The following TG variants were observed in gnomAD, a reference collection of about 807,000 sequenced individuals.
TG encodes the protein thyroid hormones.
Under a neutral mutation model 324.7 loss-of-function variants are expected in TG, and 270 were observed. The observed-to-expected ratio is 0.83, with a 90% CI of 0.75 to 0.92. TG has a LOEUF of 0.92. Ranked by LOEUF, TG falls within the 40% of genes least tolerant of loss-of-function variation. TG has a pLI of 0.00. For synonymous variants in TG, 1,401 were observed against 1,327.0 expected, an observed-to-expected ratio of 1.06 and a Z score of -1.21; for missense variants, 3,591 against 3,456.4, an observed-to-expected ratio of 1.04 and a Z score of -0.98.
intron 41 of TG, among the ~76,000 whole-genome samples, chr8:133,055,232 G>A (rs1284949972): frequency 1.3e-5 from 2 of 152,044 alleles, no homozygotes; most frequent in African/African-American, 4.8e-5. Context: ...TGGTGGGTAG[G>A]GAGCTGTACA....
intron 45 of TG, among the ~76,000 whole-genome samples, chr8:133,127,922 T>C (rs1851644105): frequency 6.6e-6 from 1 of 151,964 alleles, no homozygotes; most frequent in Admixed American, 6.6e-5. Flanking sequence ...CCTCGCCTCA[T>C]CCACTCACTA....
intron 18 of TG, among the ~76,000 whole-genome samples, chr8:132,908,853 C>T (rs1288632807): frequency 6.6e-6 from 1 of 152,114 alleles, no homozygotes; most frequent in East Asian, 1.9e-4. Flanking sequence ...AGAGGTGCTA[C>T]TGAAAGGGAC....
intron 20 of TG, among the ~76,000 whole-genome samples, 199 bp from the exon 21 acceptor site, chr8:132,919,177 A>T (rs559266924): frequency 6.6e-6 from 1 of 152,292 alleles, no homozygotes; most frequent in South Asian, 2.1e-4. Flanking sequence ...CTTCCCGGAC[A>T]GCAGGAAGCT....
At chr8:132,914,813 C>A (rs1288393212) in intron 20 of TG, among the ~76,000 whole-genome samples, 1 of 152,156 alleles carries the variant, frequency 6.6e-6, no homozygotes, top group Non-Finnish European at 1.5e-5. Flanking sequence ...TGGATGGTGC[C>A]ACCCCAGGGT....
chr8:132,897,423 A>G (rs1817276559), intron 11 of TG, among the ~76,000 whole-genome samples: 1 of 152,208 alleles, frequency 6.6e-6, no homozygotes, highest in African/African-American at 2.4e-5. Flanking sequence ...GTCTACTATA[A>G]TATTCTTTCA....
chr8:132,990,371 A>G (rs927864396), intron 35 of TG, among the ~76,000 whole-genome samples: 1 of 152,078 alleles, frequency 6.6e-6, no homozygotes, highest in Non-Finnish European at 1.5e-5. Context: ...ATGTGTAATG[A>G]TCATACCAGG....
chr8:132,971,976 C>A (rs113952112), intron 33 of TG, 103 bp downstream of exon 33: 1 of 859,314 alleles, frequency 1.2e-6, no homozygotes, highest in Non-Finnish European at 2.0e-6. Flanking sequence ...CTCCTATCCT[C>A]GTTCACAGAT....
At chr8:132,908,422 A>G in intron 18 of TG, 82 bp downstream of exon 18, 1 of 849,676 alleles carries the variant, frequency 1.2e-6, no homozygotes, top group South Asian at 1.8e-5. Context: ...GCTCACATTA[A>G]CACAGAGGCT....
chr8:132,995,595 C>T (rs1405670578), intron 35 of TG: 1 of 892,368 alleles, frequency 1.1e-6, no homozygotes, highest in Non-Finnish European at 1.3e-6. Flanking sequence ...ATGCATGTGA[C>T]CCCATGAAAG....
chr8:132,963,284 A>T (rs1828036478), intron 29 of TG, among the ~76,000 whole-genome samples: 1 of 152,240 alleles, frequency 6.6e-6, no homozygotes, highest in Non-Finnish European at 1.5e-5. Flanking sequence ...AGGCAAAATC[A>T]CTGCAAATTC....
chr8:132,901,393 CA>C lies in TG; in HGVS notation c.3475del (p.Arg1159GlyfsTer45). 6.2e-7 allele frequency: 1 copy of C among 1,614,218 alleles called. No individual in the cohort carries two copies. Among genetic ancestry groups the C allele is most frequent in the Non-Finnish European group, 8.5e-7 (1 of 1,180,048 alleles). ...CNVLKSGVLS[R>X]RVSPGYVPAC... is the part of the protein sequence containing the mutation. Reference sequence around the variant, plus strand: ...ATGTGCTCAAGAGTGGAGTCCTCTCCAGGAGAGTCAGCCCAGGCTATGTCCC... The same window carrying C: ...ATGTGCTCAAGAGTGGAGTCCTCTCCGGAGAGTCAGCCCAGGCTATGTCCC... On this transcript the variant is annotated frameshift_variant, in exon 16 of 48. Transcript: ENST00000220616. LOFTEE classifies it high-confidence loss of function.
chr8:132,900,200 G>A (rs751403469), intron 14 of TG, 37 bp from the exon 15 acceptor site: 1 of 1,594,342 alleles, frequency 6.3e-7, no homozygotes. Context: ...AGAGCATCTT[G>A]CCCACAGTGA....
At chr8:133,114,696 G>T (rs1248056170) in intron 44 of TG, among the ~76,000 whole-genome samples, 1 of 152,162 alleles carries the variant, frequency 6.6e-6, no homozygotes, top group Non-Finnish European at 1.5e-5. Context: ...TTTACATTCT[G>T]TGCCTCCTTT....
chr8:133,001,106 A>G, intron 35 of TG, among the ~76,000 whole-genome samples: 1 of 152,120 alleles, frequency 6.6e-6, no homozygotes, highest in African/African-American at 2.4e-5. Flanking sequence ...CCAGACCACC[A>G]TTGGATTAAG....
At chr8:133,014,861 G>A (rs765097979) in intron 37 of TG, among the ~76,000 whole-genome samples, 9 of 152,078 alleles carry the variant, frequency 5.9e-5, no homozygotes, top group Non-Finnish European at 1.2e-4. Flanking sequence ...CTCTTTATCT[G>A]GACATTTATA....
intron 41 of TG, among the ~76,000 whole-genome samples, chr8:133,088,726 A>G (rs923744619): frequency 2.0e-5 from 3 of 152,194 alleles, no homozygotes; most frequent in Admixed American, 6.5e-5. Flanking sequence ...CTCCTAGATC[A>G]TGTCTATACC....
intron 41 of TG, among the ~76,000 whole-genome samples, chr8:133,091,025 T>G (rs1476141078): frequency 7.2e-5 from 11 of 152,194 alleles, no homozygotes; most frequent in Admixed American, 7.2e-4. Context: ...AACTCTACCC[T>G]GGAGCCCCCT....
intron 41 of TG, chr8:133,038,278 A>G (rs1179987147): frequency 1.8e-6 from 1 of 544,030 alleles, no homozygotes; most frequent in African/African-American, 1.9e-5. Flanking sequence ...GGCTCTTCCA[A>G]GCATCGCCCG....
chr8:132,896,861 T>C (rs1467516165), intron 11 of TG, among the ~76,000 whole-genome samples: 1 of 152,096 alleles, frequency 6.6e-6, no homozygotes, highest in Admixed American at 6.5e-5. Flanking sequence ...CACTATGTAC[T>C]ATGTTGGTGG....
Sources: gnomAD v4.1 joint callset for allele counts (sites outside exome capture counted in the v4.1 genomes callset) on GRCh38, gnomAD v4.1.1 for gene constraint, MANE v1.5 for transcripts, NCBI Gene and HGNC (gene_info 2026-07-23, HGNC 2026-07-21) for gene names.